Variants in ABCG4 observed in about 807,000 individuals in gnomAD.
ABCG4 encodes ATP-binding cassette sub-family G member 4.
Under a neutral mutation model 64.6 loss-of-function variants are expected in ABCG4, and 35 were observed. The observed-to-expected ratio is 0.54, with a 90% confidence interval of 0.41 to 0.72. The LOEUF (loss-of-function observed/expected upper bound fraction) is 0.72. Among genes scored for constraint, ABCG4 ranks in the 30% least tolerant of loss-of-function variants. The pLI, the probability that ABCG4 is intolerant of heterozygous loss-of-function variation, is 0.00. For synonymous variants in ABCG4, 326 were observed against 348.2 expected, an observed-to-expected ratio of 0.94 and a Z score of 0.71; for missense variants, 610 against 846.3, an observed-to-expected ratio of 0.72 and a Z score of 3.46.
At position 119,156,605 on chromosome 11, in the gene ABCG4, G is replaced by A. The variant is rs754126746; in HGVS notation, c.852G>A (p.Val284=). The A allele has an allele frequency of 6.2e-7, 1 of 1,614,124 alleles. No homozygotes were observed. ...AGGGTCAGTGCATCTTCAAAGGCGT[G>A]GTCACCAACCTGATCCCCTATCTAA... ...LSQGQCIFKG[V]VTNLIPYLKG... The change falls in exon 8 of 15, where the codon GTG becomes GTA. Residue 284 remains valine (V), a synonymous_variant. Coordinates refer to ENST00000619701, the MANE Select transcript of ABCG4 (RefSeq NM_022169.5). This position sits in a 1 kb window ranked among gnomAD's most constrained non-coding sequence, Gnocchi z 5.5.
At position 119,154,669 on chromosome 11, in the gene ABCG4, C is replaced by T; in HGVS notation, c.540+94C>T. The T allele has an allele frequency of 6.3e-7, 1 of 1,594,698 alleles. No individual in the cohort carries two copies. Among genetic ancestry groups the T allele is most frequent in the Non-Finnish European group, 8.5e-7 (1 of 1,169,948 alleles). On this transcript the variant is annotated intron_variant, in intron 5 of 14. Transcript: ENST00000619701. This position sits in a 1 kb window ranked among gnomAD's most constrained non-coding sequence, Gnocchi z 7.0. ...GGGAGTGGGAGAGTGGTGGCCTAGG[C>T]CGAGACAATGCACTTAAGGGAGATG...
At position 119,158,700 on chromosome 11, in the gene ABCG4, C is replaced by T. The variant is rs768333950; in HGVS notation, c.1311C>T (p.Ala437=). ...LFFSMLFLMF[A]ALMPTVLTFP... ...TCTCCATGCTGTTCCTCATGTTCGC[C>T]GCCCTCATGCCAACTGTGCTCACCT... Residue 437 remains alanine (A), a synonymous_variant, in exon 11 of 15, where the codon GCC becomes GCT. Coordinates refer to ENST00000619701, the MANE Select transcript of ABCG4 (RefSeq NM_022169.5). The surrounding 1 kb of genome is among the most constrained non-coding windows in gnomAD (Gnocchi z 4.5). 1.4e-5 allele frequency: 23 copies of T among 1,613,986 alleles called. No homozygotes were observed. The South Asian group carries it at 1.4e-4, about 10-fold the overall frequency.
At position 119,150,109 on chromosome 11, in the gene ABCG4, G is replaced by A. The variant is rs778977456; in HGVS notation, c.144G>A (p.Gln48=). The change falls in exon 2 of 15, where the codon CAG becomes CAA. Residue 48 remains glutamine (Q), a synonymous_variant. Transcript: ENST00000619701. The surrounding 1 kb of genome is among the most constrained non-coding windows in gnomAD (Gnocchi z 4.3). ...KKVENHITEA[Q]RFSHLPKRSA... Reference sequence around the variant, plus strand: ...TGGAGAACCACATCACTGAAGCCCAGCGCTTCTCCCACCTACCCAAGCGCT... The same window carrying A: ...TGGAGAACCACATCACTGAAGCCCAACGCTTCTCCCACCTACCCAAGCGCT... 12 of 1,614,070 alleles carry A rather than the reference G, an allele frequency of 7.4e-6. No homozygotes were observed. In the East Asian group the frequency reaches 2.7e-4, roughly 36 times the overall value.
At position 119,156,551 on chromosome 11, in the gene ABCG4, C is replaced by T. The variant is rs529515398; in HGVS notation, c.811-13C>T. The T allele has an allele frequency of 6.2e-7, 1 of 1,614,160 alleles. No individual in the cohort carries two copies. The highest frequency in any genetic ancestry group is 1.3e-5 in the African/African-American group (1 of 75,030). ...CCCGCTGTTCCTTCCTTACCCTTCT[C>T]TTTCTGCTGCAGCTCTACATCCTGA... On this transcript the variant is annotated splice_polypyrimidine_tract_variant and intron_variant, in intron 7 of 14. Transcript: ENST00000619701. The surrounding 1 kb of genome is among the most constrained non-coding windows in gnomAD (Gnocchi z 5.5).
intron 12 of ABCG4, among the ~76,000 whole-genome samples, chr11:119,159,738 A>G (rs1592309022): frequency 6.6e-6 from 1 of 152,102 alleles, no homozygotes; most frequent in Admixed American, 6.5e-5. Context: ...CTCAGGGTGG[A>G]CACCGTCACA....
Position 119,158,975 on chromosome 11 carries a change from C to A in ABCG4, c.1437+46C>A. On this transcript the variant is annotated intron_variant, in intron 12 of 14. Coordinates refer to ENST00000619701, the MANE Select transcript of ABCG4 (RefSeq NM_022169.5). The surrounding 1 kb of genome is among the most constrained non-coding windows in gnomAD (Gnocchi z 4.5). ...TGCCCACTGCCTCCATCTTGTCTTG[C>A]TCCTTCTATCCTTGCTTTCTTGCCT... The A allele has an allele frequency of 6.4e-7, 1 of 1,569,336 alleles. No homozygotes were observed. Among genetic ancestry groups the A allele is most frequent in the Non-Finnish European group, 8.8e-7 (1 of 1,140,118 alleles).
At chr11:119,153,917 C>A in intron 2 of ABCG4, 109 bp from the exon 3 acceptor site, 1 of 920,640 alleles carries the variant, frequency 1.1e-6, no homozygotes, top group Non-Finnish European at 1.8e-6. Context: ...CCCAATCACA[C>A]TGAGTAGGGG....
In ABCG4 at chr11:119,156,599, AG is replaced by A; in HGVS notation, c.848del (p.Gly283AlafsTer6). The part of the protein sequence containing the change: ...ILSQGQCIFK[G>X]VVTNLIPYLK... ...TGAGCCAGGGTCAGTGCATCTTCAA[AG>A]GCGTGGTCACCAACCTGATCCCCTA... On this transcript the variant is annotated frameshift_variant, in exon 8 of 15. Coordinates refer to ENST00000619701, the MANE Select transcript of ABCG4 (RefSeq NM_022169.5). LOFTEE classifies it high-confidence loss of function. This position sits in a 1 kb window ranked among gnomAD's most constrained non-coding sequence, Gnocchi z 5.5. The A allele has an allele frequency of 6.2e-7, 1 of 1,614,128 alleles. No homozygotes were observed. Among genetic ancestry groups the A allele is most frequent in the South Asian group, 1.1e-5 (1 of 91,082 alleles).
At position 119,160,135 on chromosome 11, in the gene ABCG4, T is replaced by G; in HGVS notation, c.1438-92T>G. The G allele has an allele frequency of 7.1e-7, 1 of 1,400,056 alleles. No individual in the cohort carries two copies. Among genetic ancestry groups the G allele is most frequent in the Non-Finnish European group, 9.8e-7 (1 of 1,024,808 alleles). The allele number at this position is 1,400,056 out of a possible 1,614,324, so 86.7% of individuals were successfully genotyped here. On this transcript the variant is annotated intron_variant, in intron 12 of 14. Coordinates refer to ENST00000619701, the MANE Select transcript of ABCG4 (RefSeq NM_022169.5). The surrounding 1 kb of genome is among the most constrained non-coding windows in gnomAD (Gnocchi z 4.6). ...GCAGGATGGACACCCTGGGAATAGG[T>G]ATTCTAGAGGCCCAGCCTTGGGTGG...
rs371525643 is a variant in ABCG4 at position 119,154,578 on chromosome 11, G to A, written c.540+3G>A. ...AGCAGGAGGTGAAGAAGGAGCTGGT[G>A]AGTGGGGAAGGGAGGCAGTGGGACC... On this transcript the variant is annotated splice_donor_region_variant and intron_variant, in intron 5 of 14. Transcript: ENST00000619701. The surrounding 1 kb of genome is among the most constrained non-coding windows in gnomAD (Gnocchi z 7.0). 6.2e-7 allele frequency: 1 copy of A among 1,612,908 alleles called. No homozygotes were observed. The highest frequency in any genetic ancestry group is 8.5e-7 in the Non-Finnish European group (1 of 1,179,640).
intron 2 of ABCG4, chr11:119,153,594 A>G (rs1027993312): frequency 5.7e-6 from 1 of 174,656 alleles, no homozygotes. Context: ...AGGCACATCA[A>G]GTAACAAACA....
chr11:119,156,463 C>T lies in ABCG4; in HGVS notation c.810+11C>T. 1 of 1,614,220 alleles carries T rather than the reference C, an allele frequency of 6.2e-7. No homozygotes were observed. Among genetic ancestry groups the T allele is most frequent in the East Asian group, 2.2e-5 (1 of 44,878 alleles). ...GAGATGTTTGACAAGGTGAGTGTCT[C>T]CAGGCCTCAAGGAGGATTGGCCTGA... On this transcript the variant is annotated intron_variant, in intron 7 of 14. Transcript: ENST00000619701. The surrounding 1 kb of genome is among the most constrained non-coding windows in gnomAD (Gnocchi z 5.5).
rs1948336563 is a variant in ABCG4, at chr11:119,160,616, C to T, written c.1675C>T (p.Pro559Ser). ...SGFFVSFKTI[P>S]TYLQWSSYLS... Reference sequence around the variant, plus strand: ...CTTCTTTGTCAGCTTCAAGACCATCCCCACTTACCTGCAATGGAGCTCCTA... The same window carrying T: ...CTTCTTTGTCAGCTTCAAGACCATCTCCACTTACCTGCAATGGAGCTCCTA... The change falls in exon 14 of 15, where the codon CCC (proline) becomes TCC (serine). Residue 559 changes from proline (P) to serine (S), a missense_variant. Coordinates refer to ENST00000619701, the MANE Select transcript of ABCG4 (RefSeq NM_022169.5). The surrounding 1 kb of genome is among the most constrained non-coding windows in gnomAD (Gnocchi z 4.6). 5 of 1,613,670 alleles carry T rather than the reference C, an allele frequency of 3.1e-6. No homozygotes were observed. Among genetic ancestry groups the T allele is most frequent in the Non-Finnish European group, 3.4e-6 (4 of 1,179,950 alleles).
In ABCG4 at chr11:119,150,282, A is replaced by G. The variant is rs1948178415; in HGVS notation, c.238+79A>G. ...CAGAAGCATGAGGCCTGGGTGTCCCATGTTCGGAAAGTCCTGCACCAGTGG... is the reference window on the plus strand; with the variant it reads ...CAGAAGCATGAGGCCTGGGTGTCCCGTGTTCGGAAAGTCCTGCACCAGTGG... On this transcript the variant is annotated intron_variant, in intron 2 of 14. Coordinates refer to ENST00000619701, the MANE Select transcript of ABCG4 (RefSeq NM_022169.5). The surrounding 1 kb of genome is among the most constrained non-coding windows in gnomAD (Gnocchi z 4.3). 1 of 1,542,562 alleles carries G rather than the reference A, an allele frequency of 6.5e-7. No individual in the cohort carries two copies. Among genetic ancestry groups the G allele is most frequent in the Non-Finnish European group, 8.7e-7 (1 of 1,143,000 alleles).
Position 119,150,104 on chromosome 11 carries a change from G to A in ABCG4, c.139G>A (p.Ala47Thr), listed in dbSNP as rs770930131. The change falls in exon 2 of 15, where the codon GCC (alanine) becomes ACC (threonine). Residue 47 changes from alanine (A) to threonine (T), a missense_variant. Coordinates refer to ENST00000619701, the MANE Select transcript of ABCG4 (RefSeq NM_022169.5). The surrounding 1 kb of genome is among the most constrained non-coding windows in gnomAD (Gnocchi z 4.3). ...LKKVENHITE[A>T]QRFSHLPKRS... ...GAAGGTGGAGAACCACATCACTGAAGCCCAGCGCTTCTCCCACCTACCCAA... is the reference window on the plus strand; with the variant it reads ...GAAGGTGGAGAACCACATCACTGAAACCCAGCGCTTCTCCCACCTACCCAA... 6.2e-7 allele frequency: 1 copy of A among 1,614,184 alleles called. No individual in the cohort carries two copies. Among genetic ancestry groups the A allele is most frequent in the Non-Finnish European group, 8.5e-7 (1 of 1,180,020 alleles).
intron 12 of ABCG4, among the ~76,000 whole-genome samples, chr11:119,159,251 C>A (rs1948312411): frequency 6.6e-6 from 1 of 152,236 alleles, no homozygotes; most frequent in East Asian, 1.9e-4. Context: ...CTTTGGGAAG[C>A]CGAGGCTGGA....
At position 119,154,724 on chromosome 11, in the gene ABCG4, A is replaced by G. The variant is rs774599353; in HGVS notation, c.541-46A>G. 6.3e-7 allele frequency: 1 copy of G among 1,592,556 alleles called. No individual in the cohort carries two copies. Among genetic ancestry groups the G allele is most frequent in the East Asian group, 2.2e-5 (1 of 44,454 alleles). On this transcript the variant is annotated intron_variant, in intron 5 of 14. Transcript: ENST00000619701. This position sits in a 1 kb window ranked among gnomAD's most constrained non-coding sequence, Gnocchi z 7.0. ...TTGAAGCTGGGGTGGTGCCTGGGGG[A>G]AGCAGAGACTCCGAAGCTGACCTGG...
Position 119,161,622 on chromosome 11 carries a change from T to G in ABCG4, c.*516T>G, listed in dbSNP as rs1488773394. Reference sequence around the variant, plus strand: ...AATGGACAGGGAAGGACTCTGGAAGTCTCTTCCTCCTCCTCCTCTTCTCTC... The same window carrying G: ...AATGGACAGGGAAGGACTCTGGAAGGCTCTTCCTCCTCCTCCTCTTCTCTC... On this transcript the variant is annotated 3_prime_UTR_variant, in exon 15 of 15. Transcript: ENST00000619701. 1 of 154,960 alleles carries G rather than the reference T, an allele frequency of 6.5e-6. No individual in the cohort carries two copies. The highest frequency in any genetic ancestry group is 1.4e-5 in the Non-Finnish European group (1 of 69,736). The allele number at this position is 154,960 out of a possible 1,614,324, so 9.6% of individuals were successfully genotyped here.
In ABCG4 at chr11:119,160,209, C is replaced by T. The variant is rs1948327115; in HGVS notation, c.1438-18C>T. 1.3e-6 allele frequency: 2 copies of T among 1,599,742 alleles called. No homozygotes were observed. Among genetic ancestry groups the T allele is most frequent in the Non-Finnish European group, 1.7e-6 (2 of 1,169,246 alleles). On this transcript the variant is annotated intron_variant, in intron 12 of 14. Coordinates refer to ENST00000619701, the MANE Select transcript of ABCG4 (RefSeq NM_022169.5). This position sits in a 1 kb window ranked among gnomAD's most constrained non-coding sequence, Gnocchi z 4.6. ...CCCTGGCTTGAAGTCCACTGTCCAGCCCGTGCCCACTCCCCAGGTGGTGTG... is the reference window on the plus strand; with the variant it reads ...CCCTGGCTTGAAGTCCACTGTCCAGTCCGTGCCCACTCCCCAGGTGGTGTG...
Sources: gnomAD v4.1 joint callset for allele counts (sites outside exome capture counted in the v4.1 genomes callset) on GRCh38, gnomAD v4.1.1 for gene constraint, Gnocchi (gnomAD v3.1) non-coding constraint, MANE v1.5 for transcripts, NCBI Gene and HGNC (gene_info 2026-07-23, HGNC 2026-07-21) for gene names.